Variants in CDK13 observed in about 807,000 individuals in gnomAD.
CDK13 encodes cyclin dependent kinase 13.
In CDK13, 40 loss-of-function variants were observed where a neutral mutation model predicts 137.6. The observed-to-expected ratio is 0.29, with a 90% CI of 0.23 to 0.38. The LOEUF (loss-of-function observed/expected upper bound fraction) is 0.38, where lower values mean the gene tolerates loss of function less well. CDK13 is among the 10% of genes least tolerant of loss of function. CDK13 has a pLI of 1.00. For synonymous variants in CDK13, 869 were observed against 760.1 expected, an observed-to-expected ratio of 1.14 and a Z score of -2.36; for missense variants, 1,704 against 1,951.8, an observed-to-expected ratio of 0.87 and a Z score of 2.39.
intron 1 of CDK13, among the ~76,000 whole-genome samples, chr7:39,977,864 A>T (rs755877602): frequency 5.3e-5 from 8 of 152,098 alleles, no homozygotes; most frequent in Non-Finnish European, 1.2e-4. Flanking sequence ...AAATGGAGAG[A>T]TGCTTGAGAT....
Position 40,094,679 on chromosome 7 carries a change from A to C in CDK13, c.4238A>C (p.Asn1413Thr). 2 of 1,614,224 alleles carry C rather than the reference A, an allele frequency of 1.2e-6. No homozygotes were observed. Among genetic ancestry groups the C allele is most frequent in the Non-Finnish European group, 1.7e-6 (2 of 1,180,038 alleles). ...GCTGGATATGGAGACATTTACCTCA[A>C]TGCTGGTCCCATGTTGTTTAGTGGA... is the stretch of plus-strand genomic sequence containing the variant. ...SVAGYGDIYLNAGPMLFSGDK... is the reference protein window; with the variant it reads ...SVAGYGDIYLTAGPMLFSGDK... The change falls in exon 14 of 14, where the codon AAT (asparagine) becomes ACT (threonine). Residue 1413 changes from asparagine to threonine, a missense_variant. Physicochemically the swap from Asn to Thr is moderately conservative, Grantham distance 65. Around this residue, in one of 5 missense-constraint regions of CDK13, gnomAD observed 475 missense variants for 579.3 expected, o/e 0.82. Coordinates refer to ENST00000181839, the MANE Select transcript of CDK13 (RefSeq NM_003718.5).
At chr7:40,019,844 G>A (rs1173221825) in intron 5 of CDK13, among the ~76,000 whole-genome samples, 1 of 152,088 alleles carries the variant, frequency 6.6e-6, no homozygotes, top group African/African-American at 2.4e-5. Context: ...AGGGTTTAGG[G>A]TTGGTTGATT....
At chr7:40,072,780 A>T (rs1029168102) in intron 9 of CDK13, 5 of 152,220 alleles carry the variant, frequency 3.3e-5, no homozygotes, top group Non-Finnish European at 5.9e-5. Context: ...AAATAATAGT[A>T]CTTTTATTAG....
Position 40,077,936 on chromosome 7 carries a change from TTTGTATAACAG to T in CDK13, c.2781-62_2781-52del, listed in dbSNP as rs1190010620. 9.5e-6 allele frequency: 6 copies of T among 630,348 alleles called. No homozygotes were observed. In the East Asian group the frequency reaches 1.8e-4, roughly 19 times the overall value. 39.0% of individuals were successfully genotyped at this position (630,348 alleles called of 1,614,324 possible). A position where few individuals can be genotyped will look rare whatever the true frequency, so the allele number is the denominator to read the frequency against. On this transcript the variant is annotated intron_variant, in intron 9 of 13. Coordinates refer to ENST00000181839, the MANE Select transcript of CDK13 (RefSeq NM_003718.5). ...TGTGTATTTAAAAATGAGTTGATGT[TTTGTATAACAG>T]TTGTATGTATTCTTTATGTAGTTGA...
In CDK13 at chr7:40,094,931, A is replaced by G. The variant is rs1787013482; in HGVS notation, c.4490A>G (p.His1497Arg). The part of the protein sequence containing the change: ...GPGYSQGYRG[H>R]ISTSTGRGRG... The stretch of plus-strand genomic sequence containing the variant: ...GGATATTCACAAGGATACAGGGGAC[A>G]TATTAGCACATCAACTGGCAGAGGC... The change falls in exon 14 of 14, where the codon CAT becomes CGT. Residue 1497 changes from histidine to arginine, a missense_variant. Coordinates refer to ENST00000181839, the MANE Select transcript of CDK13 (RefSeq NM_003718.5). The G allele has an allele frequency of 2.7e-6, 4 of 1,455,904 alleles. No individual in the cohort carries two copies. The highest frequency in any genetic ancestry group is 3.3e-5 in the South Asian group (2 of 59,744). 90.2% of individuals were successfully genotyped at this position (1,455,904 alleles called of 1,614,324 possible).
intron 5 of CDK13, among the ~76,000 whole-genome samples, chr7:40,032,744 C>G (rs979189193): frequency 6.6e-6 from 1 of 151,166 alleles, no homozygotes; most frequent in Non-Finnish European, 1.5e-5. Flanking sequence ...TTTTATTAGT[C>G]TAGTTATGTT....
intron 9 of CDK13, among the ~76,000 whole-genome samples, chr7:40,067,103 G>A (rs1047441517): frequency 1.3e-5 from 2 of 152,100 alleles, no homozygotes; most frequent in African/African-American, 2.4e-5. Context: ...GTTAAGCTTC[G>A]TAACAACCCT....
In CDK13 at chr7:40,099,081, C is replaced by A. The variant is rs1012865315; in HGVS notation, c.*4101C>A. On this transcript the variant is annotated 3_prime_UTR_variant, in exon 14 of 14. Coordinates refer to ENST00000181839, the MANE Select transcript of CDK13 (RefSeq NM_003718.5). ...TTTGGAACTTTAAAAAAAAAAACAA[C>A]AAAAAAATACTTTCAGGGTTTTGTA... 1.1e-4 allele frequency: 16 copies of A among 150,584 alleles called. No individual in the cohort carries two copies. The highest frequency in any genetic ancestry group is 9.7e-4 in the East Asian group (5 of 5,144). 9.3% of individuals were successfully genotyped at this position (150,584 alleles called of 1,614,324 possible).
intron 1 of CDK13, among the ~76,000 whole-genome samples, chr7:39,982,077 CAT>C (rs1217066974): frequency 6.7e-6 from 1 of 149,452 alleles, no homozygotes; most frequent in African/African-American, 2.5e-5. Flanking sequence ...AGGTTAGTTA[CAT>C]ATGTATACAT....
chr7:40,066,723 C>A (rs1044986394), intron 9 of CDK13: 1 of 152,020 alleles, frequency 6.6e-6, no homozygotes, highest in Non-Finnish European at 1.5e-5. Flanking sequence ...ACTAAAAATC[C>A]TTGATGATGT....
In CDK13 at chr7:39,950,501, G is replaced by A. The variant is rs932490802; in HGVS notation, c.-141G>A. 1.6e-5 allele frequency: 20 copies of A among 1,265,058 alleles called. No individual in the cohort carries two copies. Among genetic ancestry groups the A allele is most frequent in the African/African-American group, 3.1e-5 (2 of 64,486 alleles). 78.4% of individuals were successfully genotyped at this position (1,265,058 alleles called of 1,614,324 possible). On this transcript the variant is annotated 5_prime_UTR_variant, in exon 1 of 14. Transcript: ENST00000181839. ...ACCCAGGGACCCGAGTCCCGACCCG[G>A]ATTATCGTGGCGCTTTTCCCGGCCG... is the stretch of plus-strand genomic sequence containing the variant.
At chr7:39,970,714 G>T (rs1047362491) in intron 1 of CDK13, among the ~76,000 whole-genome samples, 1 of 152,148 alleles carries the variant, frequency 6.6e-6, no homozygotes, top group African/African-American at 2.4e-5. Context: ...ACCCACTTCA[G>T]CCTCCCAAAG....
Position 39,950,936 on chromosome 7 carries a change from G to A in CDK13, c.295G>A (p.Ala99Thr). Residue 99 changes from alanine to threonine, a missense_variant, in exon 1 of 14, where the codon GCA becomes ACA. Physicochemically the swap from Ala to Thr is moderately conservative, Grantham distance 58. This residue lies in a region of CDK13 where 1,051 missense variants were observed against 931.0 expected (regional missense o/e 1.13). Coordinates refer to ENST00000181839, the MANE Select transcript of CDK13 (RefSeq NM_003718.5). ...VKRLARGKRR[A>T]GGRQKRRRGP... is the part of the protein sequence containing the mutation. ...GCGGCTGGCGAGAGGCAAGAGGCGC[G>A]CAGGAGGGCGGCAGAAGCGGCGTCG... The A allele has an allele frequency of 2.3e-6, 3 of 1,314,198 alleles. No homozygotes were observed. Among genetic ancestry groups the A allele is most frequent in the Non-Finnish European group, 2.9e-6 (3 of 1,036,608 alleles). The allele number at this position is 1,314,198 out of a possible 1,614,324, so 81.4% of individuals were successfully genotyped here.
chr7:40,077,247 C>T (rs1291258202), intron 9 of CDK13, among the ~76,000 whole-genome samples: 1 of 152,142 alleles, frequency 6.6e-6, no homozygotes, highest in African/African-American at 2.4e-5. Flanking sequence ...CTTTACACTA[C>T]AGTTACCTTC....
chr7:40,039,228 T>C (rs1050581998), intron 5 of CDK13, among the ~76,000 whole-genome samples: 5 of 152,056 alleles, frequency 3.3e-5, no homozygotes, highest in Non-Finnish European at 7.4e-5. Flanking sequence ...TGATCTTTTT[T>C]CCCCCTAATT....
At chr7:40,039,526 C>T (rs1785559960) in intron 5 of CDK13, among the ~76,000 whole-genome samples, 1 of 147,890 alleles carries the variant, frequency 6.8e-6, no homozygotes, top group Admixed American at 6.8e-5. Context: ...CCACTTCCTG[C>T]ATTCAAGTGA....
chr7:39,998,973 A>T (rs1046611285), intron 3 of CDK13: 1 of 153,580 alleles, frequency 6.5e-6, no homozygotes, highest in Non-Finnish European at 1.4e-5. Flanking sequence ...GTAAAAGTAG[A>T]TTATATATAT....
At chr7:40,082,593 T>C (rs1023631594) in intron 11 of CDK13, among the ~76,000 whole-genome samples, 52 of 143,326 alleles carry the variant, frequency 3.6e-4, no homozygotes, top group African/African-American at 1.3e-3. Flanking sequence ...CAGTTTGAGA[T>C]CAACCTGGCC....
At chr7:40,029,381 C>T (rs1034347596) in intron 5 of CDK13, among the ~76,000 whole-genome samples, 4 of 149,624 alleles carry the variant, frequency 2.7e-5, no homozygotes, top group Non-Finnish European at 4.4e-5. Flanking sequence ...GAGCCGAGAT[C>T]GTGCCACTGC....
Sources: allele counts gnomAD v4.1 joint callset (sites outside exome capture counted in the v4.1 genomes callset), GRCh38; gene constraint gnomAD v4.1.1; regional missense constraint gnomAD v4.1.1; transcripts MANE v1.5; gene names NCBI Gene and HGNC (gene_info 2026-07-23, HGNC 2026-07-21).